Variants in CRYZL1 observed in about 807,000 individuals in gnomAD.
The protein encoded by CRYZL1 is crystallin zeta like 1, also known as ferry endosomal RAB5 effector complex subunit 4.
Under a neutral mutation model 50.6 loss-of-function variants are expected in CRYZL1, and 34 were observed. The observed-to-expected ratio is 0.67, with a 90% CI of 0.51 to 0.89. The LOEUF is 0.89. Ranked by LOEUF, CRYZL1 falls within the 40% of genes least tolerant of loss-of-function variation. The pLI, the probability that CRYZL1 is intolerant of heterozygous loss-of-function variation, is 0.00. For missense variants in CRYZL1, 354 were observed against 402.3 expected (o/e 0.88, Z 1.03); for synonymous variants, 125 against 134.3 (o/e 0.93, Z 0.48).
At chr21:33,641,308 GAGA>G (rs1184213424) in intron 1 of CRYZL1, 12 of 1,547,522 alleles carry the variant, frequency 7.8e-6, no homozygotes, top group South Asian at 1.2e-5. Flanking sequence ...AGAAGTGGCT[GAGA>G]AGAAGTAACA....
chr21:33,602,369 G>A, intron 7 of CRYZL1, 24 bp from the exon 8 acceptor site: 1 of 1,134,730 alleles, frequency 8.8e-7, no homozygotes, highest in Non-Finnish European at 1.3e-6. Context: ...AATATACAGT[G>A]GGTGTATGGT....
chr21:33,640,560 A>C (rs2145971632), intron 1 of CRYZL1, among the ~76,000 whole-genome samples: 1 of 152,308 alleles, frequency 6.6e-6, no homozygotes, highest in East Asian at 1.9e-4. Context: ...ACTCAGCGCA[A>C]CATCATACTT....
In CRYZL1 at chr21:33,603,438, GGAGA is replaced by G. The variant is rs760105547; in HGVS notation, c.427_430del (p.Ser143LeufsTer6). Reference sequence around the variant, plus strand: ...ATCCATTATCAGCACTGATTTTCCAGGAGAGAGATGAGAAAGATAATGCAGAGCT... The same window carrying G: ...ATCCATTATCAGCACTGATTTTCCAGGAGATGAGAAAGATAATGCAGAGCT... On this transcript the variant is annotated frameshift_variant, in exon 7 of 13. Coordinates refer to ENST00000381554, the MANE Select transcript of CRYZL1 (RefSeq NM_145858.3). LOFTEE classifies it high-confidence loss of function. The G allele has an allele frequency of 6.2e-7, 1 of 1,614,118 alleles. No homozygotes were observed. The highest frequency in any genetic ancestry group is 8.5e-7 in the Non-Finnish European group (1 of 1,180,004).
In CRYZL1 at chr21:33,595,843, T is replaced by G. The variant is rs373658721; in HGVS notation, c.799-7A>C. 6.3e-7 allele frequency: 1 copy of G among 1,581,456 alleles called. No individual in the cohort carries two copies. The highest frequency in any genetic ancestry group is 1.1e-5 in the South Asian group (1 of 90,346). On this transcript the variant is annotated splice_polypyrimidine_tract_variant and splice_region_variant and intron_variant, in intron 10 of 12. Coordinates refer to ENST00000381554, the MANE Select transcript of CRYZL1 (RefSeq NM_145858.3). ...GGCTATCTGGAGGATCCAACTTGGA[T>G]AGAATGAAACAAAGACTAATCAATT...
intron 6 of CRYZL1, among the ~76,000 whole-genome samples, chr21:33,609,689 T>C (rs867079155): frequency 6.6e-6 from 1 of 151,834 alleles, no homozygotes; most frequent in African/African-American, 2.4e-5. Flanking sequence ...CTTTCTTTCC[T>C]TCTCTTCTCT....
rs531000174 is a variant in CRYZL1, at chr21:33,628,972, A to G, written c.66+2514T>C. Among the ~76,000 whole-genome samples, 11 of 151,956 alleles carry G rather than the reference A, an allele frequency of 7.2e-5. No individual in the cohort carries two copies. The East Asian group carries it at 1.7e-3, about 24-fold the overall frequency. On this transcript the variant is annotated intron_variant, in intron 2 of 12. Transcript: ENST00000381554. The stretch of plus-strand genomic sequence containing the variant: ...CGGCCAGGCGCGGTGGCTCACGCCT[A>G]TAATTCCAGCACTTTGGGAGGCTGA...
rs566691221 is a variant in CRYZL1, at chr21:33,592,925, G to A, written c.905-1718C>T. Among the ~76,000 whole-genome samples the A allele has an allele frequency of 7.2e-4, 110 of 151,928 alleles. No individual in the cohort carries two copies. In the South Asian group the frequency reaches 0.016, roughly 22 times the overall value. ...AAATTAGGTGGGCATGGTGGCATGC[G>A]CCTATAGTCTCAGCTACTTGGGAGG... On this transcript the variant is annotated intron_variant, in intron 11 of 12. Coordinates refer to ENST00000381554, the MANE Select transcript of CRYZL1 (RefSeq NM_145858.3).
At chr21:33,613,447 A>C in intron 6 of CRYZL1, 91 bp downstream of exon 6, 1 of 867,630 alleles carries the variant, frequency 1.2e-6, no homozygotes. Flanking sequence ...TACAACACTT[A>C]TGGTAGATTC....
intron 11 of CRYZL1, chr21:33,595,341 G>C (rs2086683174): frequency 8.1e-7 from 1 of 1,241,884 alleles, no homozygotes; most frequent in Non-Finnish European, 1.1e-6. Context: ...ACCATCATAG[G>C]AGTAAGTGTG....
intron 11 of CRYZL1, among the ~76,000 whole-genome samples, chr21:33,592,737 GTA>G (rs1374386738): frequency 6.6e-6 from 1 of 152,130 alleles, no homozygotes; most frequent in Admixed American, 6.5e-5. Flanking sequence ...GAGGACTACT[GTA>G]TGATTCAGGA....
intron 1 of CRYZL1, among the ~76,000 whole-genome samples, chr21:33,640,971 T>C (rs1435516932): frequency 6.6e-6 from 1 of 152,256 alleles, no homozygotes; most frequent in Admixed American, 6.5e-5. Flanking sequence ...ATGAAACATA[T>C]AATTAAAATT....
At chr21:33,604,130 G>A (rs1014896290) in intron 6 of CRYZL1, among the ~76,000 whole-genome samples, 3 of 152,054 alleles carry the variant, frequency 2.0e-5, no homozygotes, top group African/African-American at 7.2e-5. Context: ...CACTTTGGGA[G>A]GCCGAGGCGG....
At chr21:33,591,065 T>C (rs1302077601) in intron 12 of CRYZL1, 97 bp downstream of exon 12, 6 of 842,586 alleles carry the variant, frequency 7.1e-6, no homozygotes, top group Non-Finnish European at 1.2e-5. Context: ...AGGCAACAGG[T>C]ACATGGCGAG....
chr21:33,627,329 G>A (rs942464141), intron 2 of CRYZL1, among the ~76,000 whole-genome samples: 21 of 152,058 alleles, frequency 1.4e-4, no homozygotes, highest in African/African-American at 5.1e-4. Flanking sequence ...GAATTCCTGG[G>A]CTTAAGTGAT....
intron 4 of CRYZL1, among the ~76,000 whole-genome samples, chr21:33,618,448 G>A (rs902492498): frequency 2.6e-5 from 4 of 152,154 alleles, no homozygotes; most frequent in Non-Finnish European, 5.9e-5. Context: ...ATGCCTCCTT[G>A]TGCCCAGCAT....
At chr21:33,611,404 T>C (rs551947510) in intron 6 of CRYZL1, among the ~76,000 whole-genome samples, 1 of 152,276 alleles carries the variant, frequency 6.6e-6, no homozygotes, top group South Asian at 2.1e-4. Context: ...AATAATAAAG[T>C]ATTATTGGAA....
intron 1 of CRYZL1, among the ~76,000 whole-genome samples, chr21:33,639,416 G>A (rs750583499): frequency 7.2e-5 from 11 of 152,122 alleles, no homozygotes; most frequent in Non-Finnish European, 1.5e-4. Context: ...GTACTACTGG[G>A]GAACAAGGGA....
At chr21:33,637,788 T>TATATATATATATATATATACACACAC (rs1491462371) in intron 1 of CRYZL1, among the ~76,000 whole-genome samples, 1 of 117,206 alleles carries the variant, frequency 8.5e-6, no homozygotes, top group Admixed American at 9.0e-5. Context: ...TATATATATA[T>TATATATATATATATATATACACACAC]ACACACACAC....
At chr21:33,616,890 A>G (rs958888408) in intron 4 of CRYZL1, 140 bp from the exon 5 acceptor site, 6 of 677,768 alleles carry the variant, frequency 8.9e-6, no homozygotes, top group African/African-American at 5.5e-5. Context: ...CAAAATGTCA[A>G]TAACATTTTG....
Sources: allele counts gnomAD v4.1 joint callset (sites outside exome capture counted in the v4.1 genomes callset), GRCh38; gene constraint gnomAD v4.1.1; transcripts MANE v1.5; gene names NCBI Gene and HGNC (gene_info 2026-07-23, HGNC 2026-07-21).